EYS: variants seen among roughly 807,000 people sequenced by gnomAD.
EYS encodes EGF-like photoreceptor maintenance factor.
EYS carries 250 observed loss-of-function variants against 282.1 expected under a neutral mutation model. The ratio of observed to expected loss-of-function variants is 0.89; its 90% CI spans 0.80 to 0.98. EYS has a LOEUF of 0.98. EYS is among the 50% of genes least tolerant of loss of function. EYS has a pLI of 0.00. For missense variants in EYS, 4,016 were observed against 3,709.0 expected (o/e 1.08, Z -2.15); for synonymous variants, 1,355 against 1,282.9 (o/e 1.06, Z -1.20).
intron 11 of EYS, among the ~76,000 whole-genome samples, chr6:65,314,020 C>T (rs1562090625): frequency 6.6e-6 from 1 of 152,104 alleles, no homozygotes; most frequent in Non-Finnish European, 1.5e-5. Context: ...GCTGACCTTG[C>T]TGTTTTTCAC....
At chr6:64,562,026 TG>T (rs1309636550) in intron 26 of EYS, among the ~76,000 whole-genome samples, 1 of 151,460 alleles carries the variant, frequency 6.6e-6, no homozygotes, top group African/African-American at 2.4e-5. Flanking sequence ...CAAAACAGCA[TG>T]GTACTAGTGC....
intron 22 of EYS, among the ~76,000 whole-genome samples, chr6:64,750,637 C>A (rs1326648498): frequency 4.6e-5 from 7 of 152,076 alleles, no homozygotes; most frequent in Admixed American, 3.9e-4. Flanking sequence ...AGAAGAATTT[C>A]TAGGTTATTT....
intron 5 of EYS, among the ~76,000 whole-genome samples, chr6:65,474,192 T>C (rs1765317730): frequency 6.6e-6 from 1 of 152,052 alleles, no homozygotes; most frequent in African/African-American, 2.4e-5. Context: ...AGATTTTGAA[T>C]AATATGTGTA....
intron 29 of EYS, among the ~76,000 whole-genome samples, chr6:64,316,796 C>G (rs1282231946): frequency 6.6e-6 from 1 of 152,092 alleles, no homozygotes; most frequent in Non-Finnish European, 1.5e-5. Context: ...AGGCATCATG[C>G]TACATGACTT....
At chr6:65,296,166 T>C in intron 11 of EYS, 47 bp from the exon 12 acceptor site, 1 of 1,461,194 alleles carries the variant, frequency 6.8e-7, no homozygotes, top group South Asian at 1.4e-5. Context: ...ATACTTTATT[T>C]TGATATATTT....
At chr6:63,989,079 C>T (rs564695064) in intron 34 of EYS, among the ~76,000 whole-genome samples, 9 of 151,530 alleles carry the variant, frequency 5.9e-5, no homozygotes, top group South Asian at 2.1e-4. Flanking sequence ...CTCAATTCTG[C>T]GTCTGAAGTT....
chr6:64,052,656 A>T (rs892211493), intron 33 of EYS, among the ~76,000 whole-genome samples: 4 of 152,188 alleles, frequency 2.6e-5, no homozygotes, highest in Non-Finnish European at 4.4e-5. Context: ...CTCCACCTGA[A>T]TCTCATCCTG....
At chr6:63,937,922 A>G in intron 35 of EYS, among the ~76,000 whole-genome samples, 1 of 152,216 alleles carries the variant, frequency 6.6e-6, no homozygotes, top group South Asian at 2.1e-4. Context: ...CACTTTCTGA[A>G]TTTAAACAAA....
chr6:64,716,343 G>A (rs1310550731), intron 22 of EYS, among the ~76,000 whole-genome samples: 3 of 152,162 alleles, frequency 2.0e-5, no homozygotes, highest in East Asian at 3.9e-4. Flanking sequence ...TTGCAATTGC[G>A]ATATTGGTTG....
intron 35 of EYS, among the ~76,000 whole-genome samples, chr6:63,972,718 G>A (rs1766644032): frequency 6.6e-6 from 1 of 152,032 alleles, no homozygotes; most frequent in Non-Finnish European, 1.5e-5. Context: ...AGGCCCCGGT[G>A]TGTGCTGTTC....
chr6:65,252,935 G>A (rs375490185), intron 12 of EYS, among the ~76,000 whole-genome samples: 10 of 152,004 alleles, frequency 6.6e-5, no homozygotes, highest in South Asian at 6.2e-4. Flanking sequence ...GGTGAAAAAA[G>A]TGAAGAGAGC....
At chr6:64,989,251 T>C (rs1770966757) in intron 14 of EYS, among the ~76,000 whole-genome samples, 1 of 150,450 alleles carries the variant, frequency 6.6e-6, no homozygotes, top group Admixed American at 6.7e-5. Context: ...TCTTCTCTTC[T>C]ATAAGCAGAC....
intron 26 of EYS, among the ~76,000 whole-genome samples, chr6:64,577,006 G>T (rs1381925948): frequency 1.3e-5 from 2 of 152,050 alleles, no homozygotes; most frequent in Non-Finnish European, 2.9e-5. Flanking sequence ...CACACGGGGA[G>T]AATACATGTA....
chr6:64,266,335 A>T (rs1034684677), intron 30 of EYS, among the ~76,000 whole-genome samples: 1 of 152,102 alleles, frequency 6.6e-6, no homozygotes, highest in Admixed American at 6.6e-5. Context: ...GTGAGAGGTT[A>T]GTGAAATTCC....
At chr6:63,896,780 C>T (rs190321867) in intron 35 of EYS, among the ~76,000 whole-genome samples, 132 of 152,270 alleles carry the variant, frequency 8.7e-4, no homozygotes, top group African/African-American at 2.9e-3. Context: ...TGCCTTCTTC[C>T]AAAAGTCATA....
At chr6:64,014,115 C>T (rs992935761) in intron 33 of EYS, among the ~76,000 whole-genome samples, 5 of 152,032 alleles carry the variant, frequency 3.3e-5, no homozygotes, top group South Asian at 2.1e-4. Context: ...AACTCACACA[C>T]ACACATATTT....
At chr6:65,667,122 C>T (rs186103569) in intron 1 of EYS, among the ~76,000 whole-genome samples, 2 of 151,846 alleles carry the variant, frequency 1.3e-5, no homozygotes, top group Admixed American at 1.3e-4. Context: ...ATCTCTTGCT[C>T]TGACTACTGC....
In EYS at chr6:65,109,657, T is replaced by TTA. The variant is rs397886883; in HGVS notation, c.2024-51931_2024-51930insTA. Among the ~76,000 whole-genome samples, 17 of 136,356 alleles carry TTA rather than the reference T, an allele frequency of 1.2e-4. No homozygotes were observed. The East Asian group carries it at 1.3e-3, about 11-fold the overall frequency. The allele number at this position is 136,356 out of a possible 152,430, so 89.5% of individuals were successfully genotyped here. A position where few individuals can be genotyped will look rare whatever the true frequency, so the allele number is the denominator to read the frequency against. On this transcript the variant is annotated intron_variant, in intron 12 of 42. Transcript: ENST00000503581. ...TACTTCACTTTTACAACTCCTTACATAAAAAAAAAAAAAACACCTTTTTTT... is the reference window on the plus strand; with the variant it reads ...TACTTCACTTTTACAACTCCTTACATTAAAAAAAAAAAAAAACACCTTTTTTT...
At chr6:64,072,930 C>A (rs1308746061) in intron 32 of EYS, among the ~76,000 whole-genome samples, 1 of 151,794 alleles carries the variant, frequency 6.6e-6, no homozygotes, top group African/African-American at 2.4e-5. Context: ...ACTTCAAAAA[C>A]TGAATTTTAA....
Sources: allele counts gnomAD v4.1 joint callset (sites outside exome capture counted in the v4.1 genomes callset), GRCh38; gene constraint gnomAD v4.1.1; transcripts MANE v1.5; gene names NCBI Gene and HGNC (gene_info 2026-07-23, HGNC 2026-07-21).